Variants in SGSM3 observed in about 807,000 individuals in gnomAD.
SGSM3 encodes the protein RUN and SH3 containing 3.
SGSM3 carries 96 observed loss-of-function variants against 100.5 expected under a neutral mutation model. The ratio of observed to expected loss-of-function variants is 0.96; its 90% CI spans 0.81 to 1.13. SGSM3 has a LOEUF of 1.13. Among genes scored for constraint, SGSM3 ranks in the 50% most tolerant of loss-of-function variants. The pLI is 0.00. For synonymous variants in SGSM3, 483 were observed against 422.8 expected (o/e 1.14, Z -1.75); for missense variants, 1,001 against 1,015.8 (o/e 0.99, Z 0.20).
chr22:40,384,597 G>A (rs567574493), intron 1 of SGSM3, among the ~76,000 whole-genome samples: 3 of 152,034 alleles, frequency 2.0e-5, no homozygotes, highest in Non-Finnish European at 2.9e-5. Context: ...TGGCTAACAC[G>A]GTGAAACCCT....
intron 3 of SGSM3, 108 bp from the exon 4 acceptor site, chr22:40,402,031 C>G: frequency 2.4e-6 from 2 of 843,150 alleles, no homozygotes; most frequent in Non-Finnish European, 4.0e-6. Context: ...GATCTGAGCC[C>G]GAAGGCTGGG....
chr22:40,409,554 C>T (rs757664116), intron 21 of SGSM3, 29 bp downstream of exon 21: 1 of 1,611,964 alleles, frequency 6.2e-7, no homozygotes, highest in South Asian at 1.1e-5. Flanking sequence ...GTAGGGCCTG[C>T]ACTGATGGAG....
intron 21 of SGSM3, 51 bp downstream of exon 21, chr22:40,409,576 G>A (rs377041526): frequency 4.8e-5 from 77 of 1,613,064 alleles, no homozygotes; most frequent in African/African-American, 4.0e-5. Flanking sequence ...TGCCCAAACC[G>A]TTCGCGGGGT....
At chr22:40,398,803 A>G (rs1324127946) in intron 1 of SGSM3, among the ~76,000 whole-genome samples, 4 of 141,134 alleles carry the variant, frequency 2.8e-5, no homozygotes, top group Non-Finnish European at 6.1e-5. Context: ...AGTGTGCTAA[A>G]GGCCTTATTT....
At chr22:40,385,748 A>G (rs905086259) in intron 1 of SGSM3, among the ~76,000 whole-genome samples, 4 of 152,270 alleles carry the variant, frequency 2.6e-5, no homozygotes, top group African/African-American at 7.2e-5. Flanking sequence ...TGAAAAGTCA[A>G]CTAGAGATGA....
Position 40,409,879 on chromosome 22 carries a change from G to T in SGSM3, c.*120G>T. ...CCGGGGCCGCGGGATATCAATATCA[G>T]GCTGCCCCACTCCACGTTCCCCAGC... On this transcript the variant is annotated 3_prime_UTR_variant, in exon 22 of 22. Coordinates refer to ENST00000248929, the MANE Select transcript of SGSM3 (RefSeq NM_015705.6). 1 of 1,450,690 alleles carries T rather than the reference G, an allele frequency of 6.9e-7. No homozygotes were observed. Among genetic ancestry groups the T allele is most frequent in the Non-Finnish European group, 9.0e-7 (1 of 1,108,656 alleles). 89.9% of individuals were successfully genotyped at this position (1,450,690 alleles called of 1,614,324 possible).
intron 1 of SGSM3, among the ~76,000 whole-genome samples, chr22:40,374,568 G>C (rs941104126): frequency 6.6e-6 from 1 of 152,244 alleles, no homozygotes; most frequent in African/African-American, 2.4e-5. Flanking sequence ...TCCTAGAACA[G>C]TGGTAGGTGA....
At chr22:40,387,283 A>G (rs1484458705) in intron 1 of SGSM3, 2 of 398,194 alleles carry the variant, frequency 5.0e-6, no homozygotes, top group Non-Finnish European at 8.9e-6. Flanking sequence ...ACTCTATAAT[A>G]CTGTATATAG....
In SGSM3 at chr22:40,405,294, G is replaced by C. The variant is rs749203869; in HGVS notation, c.618+10G>C. On this transcript the variant is annotated intron_variant, in intron 7 of 21. Transcript: ENST00000248929. Reference sequence around the variant, plus strand: ...CCAGGGCACCGGCATGGTGAGCACAGCCCCAGAAAGGGCAGTGGCAGCCCC... The same window carrying C: ...CCAGGGCACCGGCATGGTGAGCACACCCCCAGAAAGGGCAGTGGCAGCCCC... 1.2e-5 allele frequency: 18 copies of C among 1,489,038 alleles called. No individual in the cohort carries two copies. 92.2% of individuals were successfully genotyped at this position (1,489,038 alleles called of 1,614,324 possible).
At chr22:40,375,885 C>A (rs12168664) in intron 1 of SGSM3, among the ~76,000 whole-genome samples, 1 of 151,960 alleles carries the variant, frequency 6.6e-6, no homozygotes, top group East Asian at 1.9e-4. Context: ...AAAAAAATTT[C>A]TAAAAATTAA....
intron 1 of SGSM3, among the ~76,000 whole-genome samples, chr22:40,384,458 A>G (rs983481160): frequency 2.0e-5 from 3 of 152,186 alleles, no homozygotes; most frequent in Non-Finnish European, 2.9e-5. Context: ...TCTCCAATAA[A>G]TAAACAAAAA....
chr22:40,380,779 C>G (rs1409091378), intron 1 of SGSM3, among the ~76,000 whole-genome samples: 2 of 151,976 alleles, frequency 1.3e-5, no homozygotes, highest in South Asian at 4.1e-4. Flanking sequence ...ACAACAGTAA[C>G]AAAAAATTAG....
intron 21 of SGSM3, 50 bp downstream of exon 21, chr22:40,409,575 C>G: frequency 6.2e-7 from 1 of 1,612,910 alleles, no homozygotes; most frequent in Non-Finnish European, 8.5e-7. Flanking sequence ...CTGCCCAAAC[C>G]GTTCGCGGGG....
chr22:40,385,093 A>G (rs184391799), intron 1 of SGSM3, among the ~76,000 whole-genome samples: 1 of 152,376 alleles, frequency 6.6e-6, no homozygotes, highest in East Asian at 1.9e-4. Context: ...GTCATTGAAC[A>G]GTTCAAGAAA....
chr22:40,380,676 C>G (rs1348262745), intron 1 of SGSM3, among the ~76,000 whole-genome samples: 3 of 152,164 alleles, frequency 2.0e-5, no homozygotes, highest in Admixed American at 2.0e-4. Flanking sequence ...TGGCTCACAC[C>G]TGTAATCCCA....
chr22:40,408,131 T>TGGGC lies in SGSM3; in HGVS notation c.1629+16_1629+19dup. On this transcript the variant is annotated intron_variant, in intron 15 of 21. Coordinates refer to ENST00000248929, the MANE Select transcript of SGSM3 (RefSeq NM_015705.6). Reference sequence around the variant, plus strand: ...GAGCGCAGCAAAGAGGTGAGGGGGGTGGGCGGGCTAGGCACGGCTGGCACC... The same window carrying TGGGC: ...GAGCGCAGCAAAGAGGTGAGGGGGGTGGGCGGGCGGGCTAGGCACGGCTGGCACC... 1 of 856,294 alleles carries TGGGC rather than the reference T, an allele frequency of 1.2e-6. No homozygotes were observed. The highest frequency in any genetic ancestry group is 1.8e-6 in the Non-Finnish European group (1 of 552,976). 53.0% of individuals were successfully genotyped at this position (856,294 alleles called of 1,614,324 possible). A position where few individuals can be genotyped will look rare whatever the true frequency, so the allele number is the denominator to read the frequency against.
chr22:40,401,987 G>A, intron 3 of SGSM3, 152 bp from the exon 4 acceptor site: 1 of 642,112 alleles, frequency 1.6e-6, no homozygotes. Context: ...AGGTTGCGTG[G>A]TAACCAGAGG....
chr22:40,393,342 T>C (rs917586027), intron 1 of SGSM3, among the ~76,000 whole-genome samples: 1 of 152,258 alleles, frequency 6.6e-6, no homozygotes, highest in Non-Finnish European at 1.5e-5. Context: ...GGTCGCAAAC[T>C]CCTGACCTCA....
intron 1 of SGSM3, among the ~76,000 whole-genome samples, chr22:40,390,673 G>A (rs1437894901): frequency 6.6e-6 from 1 of 152,190 alleles, no homozygotes; most frequent in Non-Finnish European, 1.5e-5. Context: ...GTAGCTATTA[G>A]TAAGATATGT....
Sources: allele counts gnomAD v4.1 joint callset (sites outside exome capture counted in the v4.1 genomes callset), GRCh38; gene constraint gnomAD v4.1.1; transcripts MANE v1.5; gene names NCBI Gene and HGNC (gene_info 2026-07-23, HGNC 2026-07-21).